The following ACAP2 variants were observed in gnomAD, a reference collection of about 807,000 sequenced individuals.
ACAP2 encodes arf-GAP with coiled-coil, ANK repeat and PH domain-containing protein 2.
ACAP2 carries 39 observed loss-of-function variants against 115.8 expected under a neutral mutation model. The observed-to-expected ratio is 0.34, with a 90% CI of 0.26 to 0.44. The LOEUF (loss-of-function observed/expected upper bound fraction) is 0.44. Ranked by LOEUF, ACAP2 falls within the 20% of genes least tolerant of loss-of-function variation. The probability of loss-of-function intolerance (pLI) is 1.00; values close to 1 mark genes in which losing one functional copy is unlikely to be tolerated. For missense variants in ACAP2, 662 were observed against 927.6 expected, an observed-to-expected ratio of 0.71 and a Z score of 3.72; for synonymous variants, 289 against 315.8, an observed-to-expected ratio of 0.92 and a Z score of 0.90.
intron 1 of ACAP2, among the ~76,000 whole-genome samples, chr3:195,433,693 T>C (rs1050300046): frequency 6.6e-6 from 1 of 152,246 alleles, no homozygotes; most frequent in Non-Finnish European, 1.5e-5. Flanking sequence ...TCTGCATCTA[T>C]TGAGATGATT....
At chr3:195,321,454 T>G (rs1157543847) in intron 9 of ACAP2, among the ~76,000 whole-genome samples, 3 of 151,868 alleles carry the variant, frequency 2.0e-5, no homozygotes, top group African/African-American at 7.3e-5. Flanking sequence ...CCTCAGGTGA[T>G]CTGTCTGCCT....
At chr3:195,381,261 A>G (rs1733921771) in intron 3 of ACAP2, among the ~76,000 whole-genome samples, 199 bp from the exon 4 acceptor site, 1 of 152,166 alleles carries the variant, frequency 6.6e-6, no homozygotes, top group African/African-American at 2.4e-5. Context: ...ATAAAACCCT[A>G]AAAATGTGAA....
chr3:195,296,437 C>T (rs1727661159), intron 16 of ACAP2, among the ~76,000 whole-genome samples: 1 of 152,144 alleles, frequency 6.6e-6, no homozygotes, highest in Non-Finnish European at 1.5e-5. Flanking sequence ...CTTATATCCT[C>T]TTAAAAAGTT....
intron 1 of ACAP2, among the ~76,000 whole-genome samples, chr3:195,430,521 C>T (rs1445541598): frequency 4.6e-5 from 7 of 152,036 alleles, no homozygotes; most frequent in Non-Finnish European, 8.8e-5. Context: ...CGAGACCATA[C>T]CTGGCCAACA....
At chr3:195,429,245 G>A (rs762748595) in intron 1 of ACAP2, among the ~76,000 whole-genome samples, 10 of 151,938 alleles carry the variant, frequency 6.6e-5, no homozygotes, top group South Asian at 2.1e-4. Context: ...AAAATTAGTC[G>A]GGTGTGGTGG....
intron 1 of ACAP2, among the ~76,000 whole-genome samples, chr3:195,398,000 A>G (rs572670828): frequency 5.9e-5 from 9 of 152,360 alleles, no homozygotes; most frequent in African/African-American, 2.2e-4. Context: ...AAACACTTCT[A>G]GGCGTGCAAA....
intron 1 of ACAP2, chr3:195,442,389 G>A (rs1716072559): frequency 3.9e-6 from 1 of 259,490 alleles, no homozygotes. Context: ...GGGGTGGGGA[G>A]GGGGTGGAAA....
intron 10 of ACAP2, among the ~76,000 whole-genome samples, chr3:195,317,099 T>C (rs1325328177): frequency 2.0e-5 from 3 of 151,922 alleles, no homozygotes; most frequent in African/African-American, 7.3e-5. Flanking sequence ...GGTTTCACCA[T>C]GTTGGCCAGG....
chr3:195,340,984 T>C (rs1000732742), intron 6 of ACAP2, among the ~76,000 whole-genome samples: 8 of 152,214 alleles, frequency 5.3e-5, no homozygotes, highest in Admixed American at 3.3e-4. Context: ...TAAGTAATTT[T>C]TAATCACTAA....
intron 9 of ACAP2, among the ~76,000 whole-genome samples, chr3:195,322,686 G>A (rs1577298666): frequency 6.6e-6 from 1 of 152,092 alleles, no homozygotes; most frequent in Non-Finnish European, 1.5e-5. Flanking sequence ...GAGAATTAAG[G>A]AAGCAGTAAA....
At chr3:195,416,726 T>C (rs751129301) in intron 1 of ACAP2, among the ~76,000 whole-genome samples, 10 of 152,196 alleles carry the variant, frequency 6.6e-5, no homozygotes, top group Admixed American at 1.3e-4. Flanking sequence ...AATTTCCAAG[T>C]AGCACAAAAA....
At chr3:195,289,075 T>C (rs368294312) in intron 21 of ACAP2, 46 bp downstream of exon 21, 7 of 1,481,144 alleles carry the variant, frequency 4.7e-6, no homozygotes, top group Non-Finnish European at 6.5e-6. Flanking sequence ...GAGGGACAAC[T>C]GTAATTCACT....
Position 195,387,460 on chromosome 3 carries a change from T to G in ACAP2, c.111+4630A>C, listed in dbSNP as rs910900533. 2.6e-5 allele frequency among the ~76,000 whole-genome samples: 4 copies of G among 152,320 alleles called. No individual in the cohort carries two copies. The East Asian group carries it at 5.8e-4, about 22-fold the overall frequency. On this transcript the variant is annotated intron_variant, in intron 2 of 22. Coordinates refer to ENST00000326793, the MANE Select transcript of ACAP2 (RefSeq NM_012287.6). ...CAATTTTGCAATATTGCTATAATAATAAGAAATAATATAAGTAAAACATAA... is the reference window on the plus strand; with the variant it reads ...CAATTTTGCAATATTGCTATAATAAGAAGAAATAATATAAGTAAAACATAA...
At chr3:195,390,570 T>G (rs1734602360) in intron 2 of ACAP2, among the ~76,000 whole-genome samples, 1 of 152,134 alleles carries the variant, frequency 6.6e-6, no homozygotes, top group Non-Finnish European at 1.5e-5. Context: ...TCCTTGCTAC[T>G]CAAAAGCGTG....
chr3:195,351,494 CT>C (rs1448368699), intron 4 of ACAP2, among the ~76,000 whole-genome samples: 1 of 146,456 alleles, frequency 6.8e-6, no homozygotes, highest in African/African-American at 2.6e-5. Flanking sequence ...GTGACGGAGT[CT>C]TGCTCTGTCA....
chr3:195,364,280 A>G (rs947339660), intron 4 of ACAP2, among the ~76,000 whole-genome samples: 2 of 152,224 alleles, frequency 1.3e-5, no homozygotes, highest in Admixed American at 1.3e-4. Context: ...AATGGGCAAA[A>G]TATCTGAATA....
At chr3:195,325,026 G>A (rs1729685275) in intron 9 of ACAP2, among the ~76,000 whole-genome samples, 1 of 152,048 alleles carries the variant, frequency 6.6e-6, no homozygotes, top group Admixed American at 6.6e-5. Context: ...ATAAGATAAG[G>A]TGCTTAAGCT....
intron 1 of ACAP2, among the ~76,000 whole-genome samples, chr3:195,424,255 GTGTGTGTATATA>G (rs1265685253): frequency 2.6e-5 from 2 of 78,334 alleles, no homozygotes; most frequent in Non-Finnish European, 2.5e-5. Flanking sequence ...GTGTGTGTGT[GTGTGTGTATATA>G]TATATATATA....
At chr3:195,290,800 A>G (rs958693587) in intron 20 of ACAP2, among the ~76,000 whole-genome samples, 8 of 151,104 alleles carry the variant, frequency 5.3e-5, no homozygotes, top group African/African-American at 2.0e-4. Flanking sequence ...GTGACAGAGC[A>G]AGACTTTATC....
Sources: allele counts gnomAD v4.1 joint callset (sites outside exome capture counted in the v4.1 genomes callset), GRCh38; gene constraint gnomAD v4.1.1; transcripts MANE v1.5; gene names NCBI Gene and HGNC (gene_info 2026-07-23, HGNC 2026-07-21).